Variants in SHISA6 observed in about 807,000 individuals in gnomAD.
SHISA6 encodes protein shisa-6.
A neutral mutation model predicts 47.9 loss-of-function variants in SHISA6; 22 were observed. The observed-to-expected ratio is 0.46, with a 90% CI of 0.33 to 0.66. The LOEUF is 0.66. Ranked by LOEUF, SHISA6 falls within the 30% of genes least tolerant of loss-of-function variation. The probability of loss-of-function intolerance (pLI) is 0.02; values close to 1 mark genes in which losing one functional copy is unlikely to be tolerated. For synonymous variants in SHISA6, 388 were observed against 337.8 expected, an observed-to-expected ratio of 1.15 and a Z score of -1.63; for missense variants, 680 against 764.6, an observed-to-expected ratio of 0.89 and a Z score of 1.30.
Position 11,389,141 on chromosome 17 carries a change from T to A in SHISA6, c.895+9632T>A, listed in dbSNP as rs1000184610. On this transcript the variant is annotated intron_variant, in intron 3 of 5. Coordinates refer to ENST00000441885, the MANE Select transcript of SHISA6 (RefSeq NM_207386.4). Reference sequence around the variant, plus strand: ...ACAAGTTCCTGAGCCACCCACGGAGTCCACCTCTAAGGTAGCACCACCACA... The same window carrying A: ...ACAAGTTCCTGAGCCACCCACGGAGACCACCTCTAAGGTAGCACCACCACA... Among the ~76,000 whole-genome samples, 3 of 151,846 alleles carry A rather than the reference T, an allele frequency of 2.0e-5. No individual in the cohort carries two copies. The South Asian group carries it at 6.3e-4, about 32-fold the overall frequency.
chr17:11,284,161 C>T (rs1418134861), intron 2 of SHISA6, among the ~76,000 whole-genome samples: 1 of 152,100 alleles, frequency 6.6e-6, no homozygotes, highest in African/African-American at 2.4e-5. Context: ...GGAAATGATT[C>T]ATATCATTTG....
intron 2 of SHISA6, among the ~76,000 whole-genome samples, chr17:11,313,955 A>G (rs1910420090): frequency 6.6e-6 from 1 of 152,170 alleles, no homozygotes; most frequent in Admixed American, 6.6e-5. Context: ...ATCTTTTACA[A>G]CTGTGCATAG....
chr17:11,417,117 C>T (rs1914303258), intron 3 of SHISA6, among the ~76,000 whole-genome samples: 1 of 152,026 alleles, frequency 6.6e-6, no homozygotes, highest in East Asian at 1.9e-4. Context: ...ATATTACTTC[C>T]ATGAGACAGA....
intron 3 of SHISA6, among the ~76,000 whole-genome samples, chr17:11,472,788 C>T (rs950865359): frequency 5.3e-5 from 8 of 152,208 alleles, no homozygotes; most frequent in Admixed American, 6.5e-5. Context: ...TGCATTCCCA[C>T]CAGCAATGAA....
At chr17:11,428,779 CTTT>C (rs34920362) in intron 3 of SHISA6, among the ~76,000 whole-genome samples, 3 of 96,020 alleles carry the variant, frequency 3.1e-5, no homozygotes, top group East Asian at 3.0e-4. Flanking sequence ...GATCCACTTT[CTTT>C]TTTTTTTTTT....
chr17:11,420,891 C>A (rs1003639003), intron 3 of SHISA6, among the ~76,000 whole-genome samples: 1 of 152,206 alleles, frequency 6.6e-6, no homozygotes, highest in Non-Finnish European at 1.5e-5. Flanking sequence ...GCTTCCATAG[C>A]AGGAGGTAGG....
chr17:11,491,296 AT>A (rs1418370996), intron 3 of SHISA6, among the ~76,000 whole-genome samples: 3 of 151,468 alleles, frequency 2.0e-5, no homozygotes, highest in African/African-American at 4.9e-5. Flanking sequence ...GAGGGAAAGA[AT>A]TTTTTTTTAA....
intron 2 of SHISA6, among the ~76,000 whole-genome samples, chr17:11,298,237 C>T (rs1401495620): frequency 2.0e-5 from 3 of 152,202 alleles, no homozygotes; most frequent in Non-Finnish European, 4.4e-5. Flanking sequence ...ATGTACTTTA[C>T]TTCTGTGCCT....
intron 3 of SHISA6, among the ~76,000 whole-genome samples, chr17:11,441,121 C>T (rs940549459): frequency 9.9e-5 from 15 of 152,212 alleles, no homozygotes; most frequent in Non-Finnish European, 1.9e-4. Context: ...ATGACTTCAA[C>T]TCCAGGCCCA....
At chr17:11,373,910 T>C (rs1232535393) in intron 2 of SHISA6, among the ~76,000 whole-genome samples, 4 of 152,200 alleles carry the variant, frequency 2.6e-5, no homozygotes, top group Admixed American at 2.0e-4. Flanking sequence ...TTTATCTAGG[T>C]TATATACCTA....
At chr17:11,476,484 T>C (rs145036448) in intron 3 of SHISA6, among the ~76,000 whole-genome samples, 3,564 of 152,178 alleles carry the variant, frequency 0.023, 46 homozygotes, top group Non-Finnish European at 0.035. Flanking sequence ...GTGTTTTTAT[T>C]TTCACATAGT....
chr17:11,361,729 T>G (rs2142229965), intron 2 of SHISA6, among the ~76,000 whole-genome samples: 1 of 152,354 alleles, frequency 6.6e-6, no homozygotes, highest in Admixed American at 6.5e-5. Context: ...TGGGTATTTG[T>G]TAATTAATTC....
chr17:11,281,682 T>G (rs1243428763), intron 2 of SHISA6, among the ~76,000 whole-genome samples: 2 of 152,234 alleles, frequency 1.3e-5, no homozygotes, highest in Non-Finnish European at 2.9e-5. Flanking sequence ...AAATGTTTTT[T>G]TCTCTCAATT....
intron 3 of SHISA6, among the ~76,000 whole-genome samples, chr17:11,448,335 G>A (rs932759072): frequency 2.0e-5 from 3 of 152,098 alleles, no homozygotes; most frequent in Non-Finnish European, 4.4e-5. Flanking sequence ...TTCTAGACCA[G>A]CCTGGGCAAC....
At chr17:11,406,153 C>T (rs8082432) in intron 3 of SHISA6, among the ~76,000 whole-genome samples, 79,899 of 151,700 alleles carry the variant, frequency 0.53, 22,069 homozygotes, top group African/African-American at 0.67. Flanking sequence ...CCTGGAGCAA[C>T]CTGCATGGTA....
chr17:11,283,633 C>T (rs141657720), intron 2 of SHISA6, among the ~76,000 whole-genome samples: 1,609 of 152,330 alleles, frequency 0.011, 26 homozygotes, highest in African/African-American at 0.037. Flanking sequence ...ATAACCCTAG[C>T]ACCATGCCAT....
chr17:11,242,225 C>T (rs1254744378), intron 1 of SHISA6, among the ~76,000 whole-genome samples, 165 bp downstream of exon 1: 4 of 152,308 alleles, frequency 2.6e-5, no homozygotes, highest in Non-Finnish European at 4.4e-5. Flanking sequence ...TTCTTGTGCC[C>T]CCTCCTCCAT....
At chr17:11,429,873 A>C (rs988893998) in intron 3 of SHISA6, among the ~76,000 whole-genome samples, 9 of 151,742 alleles carry the variant, frequency 5.9e-5, no homozygotes, top group African/African-American at 1.5e-4. Flanking sequence ...AAAAAAAAAA[A>C]CAATAAACTT....
chr17:11,553,638 G>A (rs2071949727), intron 4 of SHISA6, among the ~76,000 whole-genome samples: 1 of 152,102 alleles, frequency 6.6e-6, no homozygotes, highest in Non-Finnish European at 1.5e-5. Flanking sequence ...GAGGGGGCCT[G>A]AGTCTACTTA....
Sources: gnomAD v4.1 joint callset for allele counts (sites outside exome capture counted in the v4.1 genomes callset) on GRCh38, gnomAD v4.1.1 for gene constraint, MANE v1.5 for transcripts, NCBI Gene and HGNC (gene_info 2026-07-23, HGNC 2026-07-21) for gene names.